The following LRBA variants were observed in gnomAD, a reference collection of about 807,000 sequenced individuals.
LRBA encodes LPS responsive beige-like anchor protein.
LRBA carries 176 observed loss-of-function variants against 330.0 expected under a neutral mutation model. That is an observed-to-expected ratio of 0.53 (90% CI 0.47 to 0.60). LRBA has a LOEUF of 0.60. LRBA is among the 20% of genes least tolerant of loss of function. The pLI is 0.00. For synonymous variants in LRBA, 1,230 were observed against 1,193.0 expected (o/e 1.03, Z -0.64); for missense variants, 3,259 against 3,444.8 (o/e 0.95, Z 1.35).
intron 37 of LRBA, among the ~76,000 whole-genome samples, chr4:150,645,141 A>G (rs1347243066): frequency 6.7e-6 from 1 of 149,922 alleles, no homozygotes; most frequent in African/African-American, 2.4e-5. Context: ...TGTCTCAAGA[A>G]AAAAAAAAAT....
chr4:150,983,449 C>CTTTT lies in LRBA; in HGVS notation c.216+30974_216+30977dup, dbSNP rs35205576. On this transcript the variant is annotated intron_variant, in intron 2 of 56. Coordinates refer to ENST00000651943, the MANE Select transcript of LRBA (RefSeq NM_001364905.1). Reference sequence around the variant, plus strand: ...CAGCCTGGGTGATGAAGCAAGCACTCTTTTTTTTTTTTTTTTTTTTTTGAG... The same window carrying CTTTT: ...CAGCCTGGGTGATGAAGCAAGCACTCTTTTTTTTTTTTTTTTTTTTTTTTTTGAG... 7.4e-4 allele frequency among the ~76,000 whole-genome samples: 79 copies of CTTTT among 107,226 alleles called. 1 individual carries two copies. The highest frequency in any genetic ancestry group is 2.7e-3 in the African/African-American group (70 of 26,176). 70.3% of individuals were successfully genotyped at this position (107,226 alleles called of 152,430 possible).
At chr4:150,537,670 A>C (rs1781672204) in intron 40 of LRBA, among the ~76,000 whole-genome samples, 1 of 151,974 alleles carries the variant, frequency 6.6e-6, no homozygotes, top group South Asian at 2.1e-4. Context: ...TGAACAAAGG[A>C]CCGGGCACAG....
chr4:150,657,492 T>C (rs1230131963), intron 37 of LRBA, among the ~76,000 whole-genome samples: 1 of 152,040 alleles, frequency 6.6e-6, no homozygotes, highest in South Asian at 2.1e-4. Flanking sequence ...GGAAAAATGA[T>C]TAATTTCCAT....
chr4:150,854,321 C>G (rs1750966035), intron 22 of LRBA, among the ~76,000 whole-genome samples: 1 of 152,156 alleles, frequency 6.6e-6, no homozygotes, highest in South Asian at 2.1e-4. Flanking sequence ...CCTCACTAAA[C>G]AGTAAAATGA....
chr4:150,690,921 C>A (rs1784072319), intron 36 of LRBA, among the ~76,000 whole-genome samples: 1 of 136,660 alleles, frequency 7.3e-6, no homozygotes, highest in East Asian at 2.1e-4. Context: ...ATTTAAAACA[C>A]CTGGTCTTTT....
At chr4:150,538,869 G>C (rs1764991486) in intron 40 of LRBA, among the ~76,000 whole-genome samples, 1 of 151,688 alleles carries the variant, frequency 6.6e-6, no homozygotes, top group African/African-American at 2.4e-5. Context: ...CACTACCTAG[G>C]TGACAGGATC....
intron 34 of LRBA, among the ~76,000 whole-genome samples, chr4:150,791,145 C>G (rs543433943): frequency 1.3e-5 from 2 of 152,166 alleles, no homozygotes; most frequent in African/African-American, 4.8e-5. Context: ...GAGACTGGGT[C>G]TGCTCATGTT....
chr4:150,326,176 T>C (rs1272246450), intron 48 of LRBA, among the ~76,000 whole-genome samples: 1 of 152,180 alleles, frequency 6.6e-6, no homozygotes, highest in Non-Finnish European at 1.5e-5. Flanking sequence ...AATTGTCCTT[T>C]TTGGCTTCAT....
rs774805538 is a variant in LRBA, at chr4:150,588,080, C to G, written c.6298G>C (p.Glu2100Gln). The change falls in exon 40 of 57, where the codon GAG (glutamate) becomes CAG (glutamine). Residue 2100 changes from glutamate to glutamine, a missense_variant. Coordinates refer to ENST00000651943, the MANE Select transcript of LRBA (RefSeq NM_001364905.1). ...TCGATTTTTTTGAAGTTAGGATCCT[C>G]TTCATCCACCTCAAAATAGAGTTCG... ...SSELYFEVDE[E>Q]DPNFKKIDPK... 1 of 1,612,560 alleles carries G rather than the reference C, an allele frequency of 6.2e-7. No individual in the cohort carries two copies. Among genetic ancestry groups the G allele is most frequent in the African/African-American group, 1.3e-5 (1 of 74,886 alleles).
At chr4:150,717,543 C>T (rs991564976) in intron 36 of LRBA, among the ~76,000 whole-genome samples, 1 of 151,532 alleles carries the variant, frequency 6.6e-6, no homozygotes, top group African/African-American at 2.4e-5. Context: ...ACATGTAGTG[C>T]CAGCTACTCG....
intron 16 of LRBA, among the ~76,000 whole-genome samples, chr4:150,896,038 T>C (rs898812294): frequency 2.6e-5 from 4 of 152,198 alleles, no homozygotes; most frequent in Admixed American, 6.5e-5. Flanking sequence ...AGTAGGAAGA[T>C]TGTGTTATGA....
chr4:150,828,770 C>T (rs1746666826), intron 29 of LRBA, 149 bp from the exon 30 acceptor site: 4 of 649,604 alleles, frequency 6.2e-6, no homozygotes, highest in Admixed American at 2.8e-5. Context: ...ACGTATTCTA[C>T]AGAATGTACT....
chr4:150,529,716 C>T (rs11099768), intron 40 of LRBA, among the ~76,000 whole-genome samples: 12,173 of 144,728 alleles, frequency 0.084, 876 homozygotes, highest in African/African-American at 0.19. Context: ...AGCGAGACTC[C>T]ATCTCAAAAA....
Position 150,350,010 on chromosome 4 carries a change from A to T in LRBA, c.7344T>A (p.Thr2448=). 6.2e-7 allele frequency: 1 copy of T among 1,613,770 alleles called. No homozygotes were observed. The highest frequency in any genetic ancestry group is 8.5e-7 in the Non-Finnish European group (1 of 1,179,786). ...YEGAVNLNSI[T]DPVLREAVEA... ...AACTTACCTCTCTCAACACAGGATC[A>T]GTTATTGAATTCAGATTGACAGCTC... The change falls in exon 48 of 57, where the codon ACT becomes ACA. Residue 2448 remains threonine, a synonymous_variant. Coordinates refer to ENST00000651943, the MANE Select transcript of LRBA (RefSeq NM_001364905.1).
At chr4:150,440,869 A>C (rs1334865747) in intron 44 of LRBA, among the ~76,000 whole-genome samples, 1 of 152,148 alleles carries the variant, frequency 6.6e-6, no homozygotes, top group East Asian at 1.9e-4. Flanking sequence ...CACTGTATTT[A>C]GGATATTTTA....
intron 53 of LRBA, among the ~76,000 whole-genome samples, chr4:150,296,031 G>A (rs957329805): frequency 2.0e-5 from 3 of 152,110 alleles, no homozygotes; most frequent in Non-Finnish European, 4.4e-5. Flanking sequence ...ATTTGCTGAA[G>A]TGAAATCTTA....
At chr4:150,734,278 A>G (rs772966242) in intron 36 of LRBA, among the ~76,000 whole-genome samples, 23 of 152,056 alleles carry the variant, frequency 1.5e-4, no homozygotes, top group Non-Finnish European at 2.9e-4. Flanking sequence ...CCTAAAGTAA[A>G]CAATTTTGTA....
chr4:150,714,001 G>A (rs1196656147), intron 36 of LRBA, among the ~76,000 whole-genome samples: 2 of 152,142 alleles, frequency 1.3e-5, no homozygotes, highest in East Asian at 1.9e-4. Flanking sequence ...TAGTTTAGAG[G>A]TGTGCTATTC....
chr4:150,667,633 T>C (rs1183240438), intron 37 of LRBA, among the ~76,000 whole-genome samples: 1 of 152,120 alleles, frequency 6.6e-6, no homozygotes, highest in Non-Finnish European at 1.5e-5. Context: ...AGTAATTAGA[T>C]TGTGAGGGTA....
Sources: allele counts gnomAD v4.1 joint callset (sites outside exome capture counted in the v4.1 genomes callset), GRCh38; gene constraint gnomAD v4.1.1; transcripts MANE v1.5; gene names NCBI Gene and HGNC (gene_info 2026-07-23, HGNC 2026-07-21).